Variants in MTREX observed in about 807,000 individuals in gnomAD.
The protein encoded by MTREX is Mtr4 exosome RNA helicase.
A neutral mutation model predicts 135.4 loss-of-function variants in MTREX; 76 were observed. That is an observed-to-expected ratio of 0.56 (90% CI 0.47 to 0.68). MTREX has a LOEUF of 0.68. MTREX is among the 30% of genes least tolerant of loss of function. The pLI is 0.00. For synonymous variants in MTREX, 404 were observed against 401.6 expected (o/e 1.01, Z -0.07); for missense variants, 920 against 1,262.1 (o/e 0.73, Z 4.11).
At chr5:55,363,013 A>G (rs1250473206) in intron 15 of MTREX, among the ~76,000 whole-genome samples, 1 of 152,216 alleles carries the variant, frequency 6.6e-6, no homozygotes, top group African/African-American at 2.4e-5. Flanking sequence ...TAGAGTACAT[A>G]AAGTGCTCAT....
chr5:55,350,850 A>G lies in MTREX; in HGVS notation c.1321-69A>G, dbSNP rs953309879. ...AAAGCATTCTTTACTGTTTTTCTTA[A>G]TTTAGTTTAACATTTTAAAAATCCT... On this transcript the variant is annotated intron_variant, in intron 12 of 26. Coordinates refer to ENST00000230640, the MANE Select transcript of MTREX (RefSeq NM_015360.5). 10 of 1,251,330 alleles carry G rather than the reference A, an allele frequency of 8.0e-6. No homozygotes were observed. In the African/African-American group the frequency reaches 1.4e-4, roughly 17 times the overall value. The allele number at this position is 1,251,330 out of a possible 1,614,324, so 77.5% of individuals were successfully genotyped here. A position where few individuals can be genotyped will look rare whatever the true frequency, so the allele number is the denominator to read the frequency against.
chr5:55,407,993 A>C (rs1437463376), intron 22 of MTREX, among the ~76,000 whole-genome samples: 2 of 152,072 alleles, frequency 1.3e-5, no homozygotes, highest in Non-Finnish European at 2.9e-5. Context: ...CCTGTAATTA[A>C]GCAGTCCGCC....
At chr5:55,367,007 T>C in intron 16 of MTREX, 132 bp downstream of exon 16, 1 of 609,964 alleles carries the variant, frequency 1.6e-6, no homozygotes, top group East Asian at 2.7e-5. Context: ...ACTGCACAAC[T>C]GTAGTCTGGT....
In MTREX at chr5:55,358,560, T is replaced by G; in HGVS notation, c.1534-13T>G. Reference sequence around the variant, plus strand: ...TTTTTCCTAAACTCTGAATTTTAACTATGTTCATTCAGATTTCTTCTGGTG... The same window carrying G: ...TTTTTCCTAAACTCTGAATTTTAACGATGTTCATTCAGATTTCTTCTGGTG... On this transcript the variant is annotated splice_polypyrimidine_tract_variant and intron_variant, in intron 14 of 26. Coordinates refer to ENST00000230640, the MANE Select transcript of MTREX (RefSeq NM_015360.5). 6.3e-7 allele frequency: 1 copy of G among 1,577,232 alleles called. No individual in the cohort carries two copies. The highest frequency in any genetic ancestry group is 8.5e-7 in the Non-Finnish European group (1 of 1,169,844).
intron 1 of MTREX, among the ~76,000 whole-genome samples, chr5:55,311,077 C>T (rs1287003256): frequency 1.3e-5 from 2 of 152,166 alleles, no homozygotes; most frequent in African/African-American, 4.8e-5. Flanking sequence ...CCACTGTGCA[C>T]AGCCAGTGAG....
chr5:55,405,296 G>GA (rs1417775772), intron 21 of MTREX, 129 bp from the exon 22 acceptor site: 69 of 729,528 alleles, frequency 9.5e-5, no homozygotes, highest in Non-Finnish European at 1.2e-4. Context: ...CCCCAGCACT[G>GA]AAGCTTTAAC....
Position 55,344,513 on chromosome 5 carries a change from T to G in MTREX, c.907-9T>G, listed in dbSNP as rs751648923. 6.3e-7 allele frequency: 1 copy of G among 1,582,552 alleles called. No individual in the cohort carries two copies. The highest frequency in any genetic ancestry group is 2.2e-5 in the East Asian group (1 of 44,580). On this transcript the variant is annotated splice_polypyrimidine_tract_variant and intron_variant, in intron 8 of 26. Transcript: ENST00000230640. The stretch of plus-strand genomic sequence containing the variant: ...AAAATTTTGTATGTTTAATTCTTTC[T>G]TTTTACAGCCTTGTCATGTTATTTA...
At chr5:55,424,600 T>C (rs1190587942) in intron 26 of MTREX, 120 bp from the exon 27 acceptor site, 3 of 668,730 alleles carry the variant, frequency 4.5e-6, no homozygotes, top group Non-Finnish European at 8.1e-6. Context: ...GTGTTTGACT[T>C]TCTAGGCTGC....
intron 3 of MTREX, among the ~76,000 whole-genome samples, chr5:55,325,401 G>A (rs1473396457): frequency 1.3e-5 from 2 of 148,770 alleles, no homozygotes; most frequent in Non-Finnish European, 3.0e-5. Context: ...ATGTGATCTC[G>A]GCTCACTGCA....
At chr5:55,316,035 C>T (rs1381054822) in intron 1 of MTREX, among the ~76,000 whole-genome samples, 1 of 152,012 alleles carries the variant, frequency 6.6e-6, no homozygotes, top group Non-Finnish European at 1.5e-5. Context: ...AGAAAACCTA[C>T]AAGAGGTGGA....
Position 55,414,190 on chromosome 5 carries a change from G to A in MTREX, c.2760G>A (p.Glu920=). 1.3e-6 allele frequency: 2 copies of A among 1,568,030 alleles called. No homozygotes were observed. Among genetic ancestry groups the A allele is most frequent in the Middle Eastern group, 1.7e-4 (1 of 5,834 alleles). ...SCFVFQENSS[E]MPKLTEQLAG... is the part of the protein sequence containing the mutation. ...TTCCTTTTCTTTTATAGTCTAGTGAGATGCCCAAATTAACAGAACAATTAG... is the reference window on the plus strand; with the variant it reads ...TTCCTTTTCTTTTATAGTCTAGTGAAATGCCCAAATTAACAGAACAATTAG... The change falls in exon 24 of 27, where the codon GAG becomes GAA. Residue 920 remains glutamate (E), a synonymous_variant. Coordinates refer to ENST00000230640, the MANE Select transcript of MTREX (RefSeq NM_015360.5).
chr5:55,417,374 G>A (rs1750981780), intron 25 of MTREX, among the ~76,000 whole-genome samples: 1 of 152,108 alleles, frequency 6.6e-6, no homozygotes, highest in South Asian at 2.1e-4. Flanking sequence ...GTTTGGCCAA[G>A]GTGATGTGAG....
intron 23 of MTREX, among the ~76,000 whole-genome samples, chr5:55,412,531 T>C (rs542046004): frequency 6.6e-6 from 1 of 152,260 alleles, no homozygotes; most frequent in Admixed American, 6.5e-5. Context: ...TTCTGTCAAA[T>C]AGGGGTGAAG....
At chr5:55,405,268 C>A in intron 21 of MTREX, 157 bp from the exon 22 acceptor site, 1 of 541,316 alleles carries the variant, frequency 1.8e-6, no homozygotes, top group Non-Finnish European at 3.2e-6. Context: ...ATCTAAGAAG[C>A]TCCAGTTTCC....
chr5:55,361,276 G>A (rs557448087), intron 15 of MTREX, among the ~76,000 whole-genome samples: 27 of 152,120 alleles, frequency 1.8e-4, no homozygotes, highest in Admixed American at 3.9e-4. Context: ...CTTCTTCATA[G>A]TCACCTTATA....
chr5:55,361,031 G>A (rs1749998210), intron 15 of MTREX, among the ~76,000 whole-genome samples: 2 of 151,960 alleles, frequency 1.3e-5, no homozygotes, highest in Non-Finnish European at 2.9e-5. Flanking sequence ...ACTACTATAT[G>A]GTACTGCTTC....
intron 20 of MTREX, among the ~76,000 whole-genome samples, chr5:55,399,716 T>A (rs1750695171): frequency 6.6e-6 from 1 of 152,136 alleles, no homozygotes; most frequent in South Asian, 2.1e-4. Context: ...CTCGATCTCC[T>A]GACCTTGTGA....
chr5:55,383,497 C>G (rs1399922039), intron 18 of MTREX, among the ~76,000 whole-genome samples: 3 of 152,068 alleles, frequency 2.0e-5, no homozygotes, highest in African/African-American at 7.2e-5. Flanking sequence ...CAACTCATTG[C>G]TTTCTGGCCT....
chr5:55,339,778 A>G (rs1481159552), intron 5 of MTREX, among the ~76,000 whole-genome samples: 2 of 152,198 alleles, frequency 1.3e-5, no homozygotes, highest in Non-Finnish European at 2.9e-5. Flanking sequence ...ATCTATTGCT[A>G]TTAGTGACTA....
Sources: gnomAD v4.1 joint callset for allele counts (sites outside exome capture counted in the v4.1 genomes callset) on GRCh38, gnomAD v4.1.1 for gene constraint, MANE v1.5 for transcripts, NCBI Gene and HGNC (gene_info 2026-07-23, HGNC 2026-07-21) for gene names.